ALPK3: variants seen among roughly 807,000 people sequenced by gnomAD.
The protein encoded by ALPK3 is alpha-protein kinase 3.
In ALPK3, 102 loss-of-function variants were observed where a neutral mutation model predicts 140.0. That is an observed-to-expected ratio of 0.73 (90% CI 0.62 to 0.86). The LOEUF (loss-of-function observed/expected upper bound fraction) is 0.86, where lower values mean the gene tolerates loss of function less well. Ranked by LOEUF, ALPK3 falls within the 40% of genes least tolerant of loss-of-function variation. The pLI is 0.00. For missense variants in ALPK3, 2,254 were observed against 2,208.2 expected (o/e 1.02, Z -0.42); for synonymous variants, 938 against 898.5 (o/e 1.04, Z -0.79).
chr15:84,870,043 A>C lies in ALPK3; in HGVS notation c.*1587A>C, dbSNP rs1296605290. The C allele has an allele frequency of 6.6e-6, 1 of 152,232 alleles. No homozygotes were observed. Among genetic ancestry groups the C allele is most frequent in the Non-Finnish European group, 1.5e-5 (1 of 68,052 alleles). 9.4% of individuals were successfully genotyped at this position (152,232 alleles called of 1,614,324 possible). ...AGGAAGCCACCCAGGAAGGAAGCAC[A>C]GAGCTGGGGGCTCTGGAAACGCCCT... On this transcript the variant is annotated 3_prime_UTR_variant, in exon 14 of 14. Transcript: ENST00000258888.
At position 84,857,899 on chromosome 15, in the gene ALPK3, C is replaced by G. The variant is rs1209594795; in HGVS notation, c.3161C>G (p.Ala1054Gly). 31 of 1,612,060 alleles carry G rather than the reference C, an allele frequency of 1.9e-5. No homozygotes were observed. The highest frequency in any genetic ancestry group is 2.5e-5 in the Non-Finnish European group (29 of 1,179,496). The change falls in exon 6 of 14, where the codon GCC becomes GGC. Residue 1054 changes from alanine to glycine, a missense_variant. By Grantham distance (60) the Ala-to-Gly change is moderately conservative. This residue lies in a region of ALPK3 where 2,088 missense variants were observed against 2,022.9 expected (regional missense o/e 1.03). Transcript: ENST00000258888. Reference protein sequence around the residue: ...LDREVQAGRQALAAARGSWGP... With the variant: ...LDREVQAGRQGLAAARGSWGP... ...CGTGAGGTGCAGGCTGGCCGCCAGG[C>G]CCTTGCTGCTGCCCGAGGCTCCTGG... is the stretch of plus-strand genomic sequence containing the variant.
chr15:84,842,476 G>C (rs1261787920), intron 5 of ALPK3, among the ~76,000 whole-genome samples: 1 of 150,882 alleles, frequency 6.6e-6, no homozygotes, highest in Non-Finnish European at 1.5e-5. Context: ...GAGGAAAGCA[G>C]TGTTTCCCAG....
intron 5 of ALPK3, among the ~76,000 whole-genome samples, chr15:84,842,738 G>A (rs1963680701): frequency 1.3e-5 from 2 of 152,168 alleles, no homozygotes; most frequent in South Asian, 2.1e-4. Context: ...GGGCTTTGGA[G>A]TGGAACAAAC....
intron 11 of ALPK3, 118 bp from the exon 12 acceptor site, chr15:84,864,324 C>G (rs567812133): frequency 9.3e-7 from 1 of 1,072,444 alleles, no homozygotes; most frequent in East Asian, 2.5e-5. Flanking sequence ...GGGCTCGGAG[C>G]TGAGAATTAC....
At chr15:84,845,349 C>A (rs190803457) in intron 5 of ALPK3, among the ~76,000 whole-genome samples, 26 of 152,276 alleles carry the variant, frequency 1.7e-4, no homozygotes, top group Admixed American at 1.6e-3. Flanking sequence ...TTCAGAGGAG[C>A]TGTGATCCTA....
At chr15:84,832,660 C>CA (rs552538235) in intron 3 of ALPK3, among the ~76,000 whole-genome samples, 253 of 152,336 alleles carry the variant, frequency 1.7e-3, no homozygotes, top group Middle Eastern at 6.8e-3. Flanking sequence ...ACAGGGCATA[C>CA]ACCTGACACA....
In ALPK3 at chr15:84,857,672, AG is replaced by A; in HGVS notation, c.2939del (p.Gly980GlufsTer18). 1 of 1,607,326 alleles carries A rather than the reference AG, an allele frequency of 6.2e-7. No homozygotes were observed. Among genetic ancestry groups the A allele is most frequent in the Non-Finnish European group, 8.5e-7 (1 of 1,175,136 alleles). ...KLSSTETSGA[G>X]GESQVGAATG... ...TGTCCAGCACAGAGACAAGTGGAGC[AG>A]GGGGAGAGTCCCAGGTGGGGGCAGC... On this transcript the variant is annotated frameshift_variant, in exon 6 of 14. Transcript: ENST00000258888. LOFTEE classifies it high-confidence loss of function.
In ALPK3 at chr15:84,863,457, C is replaced by T. The variant is rs547181682; in HGVS notation, c.4411-95C>T. 159 of 1,084,208 alleles carry T rather than the reference C, an allele frequency of 1.5e-4. No homozygotes were observed. The African/African-American group carries it at 2.1e-3, about 14-fold the overall frequency. 67.2% of individuals were successfully genotyped at this position (1,084,208 alleles called of 1,614,324 possible). A position where few individuals can be genotyped will look rare whatever the true frequency, so the allele number is the denominator to read the frequency against. ...CAGGGCTGGAATCCTCCTCTCAGTC[C>T]CCTAACAGAATAGGTAGCCCACTCA... On this transcript the variant is annotated intron_variant, in intron 10 of 13. Transcript: ENST00000258888.
chr15:84,857,706 G>A lies in ALPK3; in HGVS notation c.2968G>A (p.Gly990Ser). 6.2e-7 allele frequency: 1 copy of A among 1,611,780 alleles called. No homozygotes were observed. Among genetic ancestry groups the A allele is most frequent in the Non-Finnish European group, 8.5e-7 (1 of 1,178,448 alleles). ...GTCCCAGGTGGGGGCAGCCACCGGA[G>A]GTCTGGTGCCCTCAGCCACTCTGAC... is the stretch of plus-strand genomic sequence containing the variant. ...GESQVGAATG[G>S]LVPSATLTPT... The change falls in exon 6 of 14, where the codon GGT becomes AGT. Residue 990 changes from glycine (G) to serine (S), a missense_variant. Around this residue, in one of 3 missense-constraint regions of ALPK3, gnomAD observed 2,088 missense variants for 2,022.9 expected, o/e 1.03. Transcript: ENST00000258888.
intron 5 of ALPK3, among the ~76,000 whole-genome samples, chr15:84,841,832 C>T (rs564682665): frequency 1.3e-5 from 2 of 152,210 alleles, no homozygotes; most frequent in East Asian, 3.9e-4. Flanking sequence ...CATTATTTCA[C>T]AGTGGTTTTG....
rs890258768 is a variant in ALPK3, at chr15:84,833,732, C to A, written c.305-5248C>A. Among the ~76,000 whole-genome samples, 70 of 152,214 alleles carry A rather than the reference C, an allele frequency of 4.6e-4. 1 individual carries two copies. The highest frequency in any genetic ancestry group is 1.6e-4 in the Non-Finnish European group (11 of 68,044). On this transcript the variant is annotated intron_variant, in intron 3 of 13. Coordinates refer to ENST00000258888, the MANE Select transcript of ALPK3 (RefSeq NM_020778.5). ...TCATCTGCGCCAGTGCTCCTGCTGG[C>A]TGACCTGTGATGGAAGCCCTTGGGG...
intron 5 of ALPK3, among the ~76,000 whole-genome samples, chr15:84,843,444 G>T (rs1027643741): frequency 2.0e-5 from 3 of 152,204 alleles, no homozygotes; most frequent in African/African-American, 7.2e-5. Context: ...ATGAGACTAA[G>T]GAGACAAAAA....
chr15:84,864,700 G>A, intron 12 of ALPK3, 35 bp downstream of exon 12: 3 of 1,596,818 alleles, frequency 1.9e-6, no homozygotes, highest in Non-Finnish European at 2.6e-6. Context: ...GTACGCATGT[G>A]CATGGATGTG....
chr15:84,864,776 T>G, intron 12 of ALPK3, 111 bp downstream of exon 12: 2 of 1,183,370 alleles, frequency 1.7e-6, no homozygotes, highest in Non-Finnish European at 2.4e-6. Flanking sequence ...TTTGTCTTTA[T>G]TCTTTTTTGC....
At chr15:84,834,129 T>C (rs1963575505) in intron 3 of ALPK3, among the ~76,000 whole-genome samples, 1 of 152,146 alleles carries the variant, frequency 6.6e-6, no homozygotes, top group Non-Finnish European at 1.5e-5. Context: ...TCTAATATAA[T>C]GACTGTTGGA....
At chr15:84,867,437 G>C (rs1018748302) in intron 13 of ALPK3, 72 bp downstream of exon 13, 4 of 1,570,074 alleles carry the variant, frequency 2.5e-6, no homozygotes, top group Non-Finnish European at 2.6e-6. Context: ...AGCCCTTCTG[G>C]TTCTCCATCC....
At chr15:84,837,239 G>A (rs1963605507) in intron 3 of ALPK3, among the ~76,000 whole-genome samples, 1 of 152,180 alleles carries the variant, frequency 6.6e-6, no homozygotes, top group Admixed American at 6.5e-5. Context: ...TTTTAAAGAA[G>A]GACACAGTAG....
At chr15:84,819,117 G>A (rs1000094025) in intron 1 of ALPK3, among the ~76,000 whole-genome samples, 3 of 152,234 alleles carry the variant, frequency 2.0e-5, no homozygotes, top group African/African-American at 7.2e-5. Context: ...TAGGAAAAGG[G>A]CTGGAGAATG....
Position 84,839,080 on chromosome 15 carries a change from C to G in ALPK3, c.405C>G (p.His135Gln). The G allele has an allele frequency of 1.9e-6, 3 of 1,609,208 alleles. No homozygotes were observed. The highest frequency in any genetic ancestry group is 1.7e-6 in the Non-Finnish European group (2 of 1,177,580). ...KYEITHQGNR[H>Q]TLQLYRCREE... ...AGATCACTCATCAGGGCAACCGCCACACACTGCAGCTGTACAGGTGAGGGA... is the reference window on the plus strand; with the variant it reads ...AGATCACTCATCAGGGCAACCGCCAGACACTGCAGCTGTACAGGTGAGGGA... Residue 135 changes from histidine (H) to glutamine (Q), a missense_variant, in exon 4 of 14, where the codon CAC becomes CAG. By Grantham distance (24) the His-to-Gln change is conservative. Around this residue, in one of 3 missense-constraint regions of ALPK3, gnomAD observed 2,088 missense variants for 2,022.9 expected, o/e 1.03. Transcript: ENST00000258888.
Sources: allele counts gnomAD v4.1 joint callset (sites outside exome capture counted in the v4.1 genomes callset), GRCh38; gene constraint gnomAD v4.1.1; regional missense constraint gnomAD v4.1.1; transcripts MANE v1.5; gene names NCBI Gene and HGNC (gene_info 2026-07-23, HGNC 2026-07-21).